Variants in KCNAB1 observed in about 807,000 individuals in gnomAD.
KCNAB1 encodes voltage-gated potassium channel subunit beta-1.
Under a neutral mutation model 64.6 loss-of-function variants are expected in KCNAB1, and 35 were observed. The observed-to-expected ratio is 0.54, with a 90% CI of 0.41 to 0.72. The LOEUF (loss-of-function observed/expected upper bound fraction) is 0.72. Among genes scored for constraint, KCNAB1 ranks in the 30% least tolerant of loss-of-function variants. The pLI is 0.00. For missense variants in KCNAB1, 401 were observed against 512.9 expected (o/e 0.78, Z 2.11); for synonymous variants, 177 against 183.8 (o/e 0.96, Z 0.30).
chr3:156,130,189 C>A (rs1713908841), intron 1 of KCNAB1, among the ~76,000 whole-genome samples: 1 of 152,180 alleles, frequency 6.6e-6, no homozygotes, highest in East Asian at 1.9e-4. Context: ...ATGTTATAAA[C>A]CACTATCTAT....
chr3:156,322,935 A>AT (rs1220350243), intron 1 of KCNAB1, among the ~76,000 whole-genome samples: 1 of 152,148 alleles, frequency 6.6e-6, no homozygotes, highest in East Asian at 1.9e-4. Flanking sequence ...AGCTGCTTGG[A>AT]TTTTGAGTGA....
chr3:156,238,061 T>C (rs1460963205), intron 1 of KCNAB1, among the ~76,000 whole-genome samples: 1 of 152,020 alleles, frequency 6.6e-6, no homozygotes, highest in African/African-American at 2.4e-5. Flanking sequence ...AGGGTGGAAG[T>C]CAGAGCCACA....
chr3:156,125,111 C>A (rs1002021365), intron 1 of KCNAB1, among the ~76,000 whole-genome samples: 19 of 151,426 alleles, frequency 1.3e-4, no homozygotes, highest in African/African-American at 4.6e-4. Flanking sequence ...GCACTCCAGC[C>A]TGGGTGACAG....
intron 2 of KCNAB1, among the ~76,000 whole-genome samples, chr3:156,435,125 TAG>T (rs763684929): frequency 5.3e-5 from 8 of 152,136 alleles, no homozygotes; most frequent in Non-Finnish European, 1.2e-4. Flanking sequence ...TTCCATACCA[TAG>T]AGAGTCATCA....
intron 11 of KCNAB1, among the ~76,000 whole-genome samples, chr3:156,519,354 T>A (rs61192223): frequency 0.058 from 8,869 of 152,190 alleles, 714 homozygotes; most frequent in African/African-American, 0.18. Flanking sequence ...TTCATTTGTG[T>A]CTCCCATATC....
chr3:156,425,215 A>G (rs1576848168), intron 2 of KCNAB1, among the ~76,000 whole-genome samples: 1 of 152,236 alleles, frequency 6.6e-6, no homozygotes, highest in East Asian at 1.9e-4. Flanking sequence ...AGGAAATCAG[A>G]AAGCTACAGA....
At chr3:156,465,172 A>G (rs369567944) in intron 6 of KCNAB1, among the ~76,000 whole-genome samples, 1 of 152,194 alleles carries the variant, frequency 6.6e-6, no homozygotes, top group Non-Finnish European at 1.5e-5. Context: ...GCTTCATCAC[A>G]TTTTAATTTA....
chr3:156,272,210 T>G (rs1409380327), intron 1 of KCNAB1, among the ~76,000 whole-genome samples: 1 of 152,252 alleles, frequency 6.6e-6, no homozygotes, highest in Non-Finnish European at 1.5e-5. Context: ...TAACTGGCTA[T>G]TGCCTATGTT....
At chr3:156,234,134 C>T (rs1716711850) in intron 1 of KCNAB1, among the ~76,000 whole-genome samples, 1 of 151,774 alleles carries the variant, frequency 6.6e-6, no homozygotes, top group Non-Finnish European at 1.5e-5. Flanking sequence ...CCAAGAATTC[C>T]CCAGGGGCTG....
chr3:156,341,198 T>G (rs1724087124), intron 1 of KCNAB1, among the ~76,000 whole-genome samples: 1 of 152,222 alleles, frequency 6.6e-6, no homozygotes, highest in South Asian at 2.1e-4. Flanking sequence ...AGATATTAGA[T>G]TCTCTTAGAG....
intron 1 of KCNAB1, among the ~76,000 whole-genome samples, chr3:156,304,876 A>G (rs892652582): frequency 2.6e-5 from 4 of 152,210 alleles, no homozygotes; most frequent in African/African-American, 9.6e-5. Flanking sequence ...GAAGTAAGAG[A>G]TACTTTGAAG....
At chr3:156,447,318 T>A (rs1711637453) in intron 2 of KCNAB1, among the ~76,000 whole-genome samples, 1 of 152,228 alleles carries the variant, frequency 6.6e-6, no homozygotes, top group African/African-American at 2.4e-5. Flanking sequence ...TATATTTAAC[T>A]TATTTTTGTT....
chr3:156,267,951 G>T (rs62286213), intron 1 of KCNAB1, among the ~76,000 whole-genome samples: 4,352 of 151,502 alleles, frequency 0.029, 231 homozygotes, highest in South Asian at 0.22. Flanking sequence ...ATAGTCACCT[G>T]CTTTTGCTAT....
At chr3:156,279,402 T>A (rs1345078868) in intron 1 of KCNAB1, among the ~76,000 whole-genome samples, 4 of 152,294 alleles carry the variant, frequency 2.6e-5, no homozygotes, top group Non-Finnish European at 5.9e-5. Context: ...GTCTTTGCTA[T>A]TGTGAATAAT....
intron 1 of KCNAB1, among the ~76,000 whole-genome samples, chr3:156,207,896 A>C (rs1714763918): frequency 6.6e-6 from 1 of 152,228 alleles, no homozygotes; most frequent in Non-Finnish European, 1.5e-5. Context: ...AATGAGGTTA[A>C]AACTGGTACT....
At chr3:156,132,332 A>C (rs1714043893) in intron 1 of KCNAB1, among the ~76,000 whole-genome samples, 1 of 152,194 alleles carries the variant, frequency 6.6e-6, no homozygotes, top group Admixed American at 6.5e-5. Flanking sequence ...AGACCTGTAG[A>C]TGGTCATCTG....
chr3:156,147,058 C>A (rs1036118614), intron 1 of KCNAB1, among the ~76,000 whole-genome samples: 3 of 152,008 alleles, frequency 2.0e-5, no homozygotes, highest in Non-Finnish European at 4.4e-5. Flanking sequence ...AAAACAGTGC[C>A]AAGAAAGACC....
At position 156,151,766 on chromosome 3, in the gene KCNAB1, T is replaced by C. The variant is rs184136392; in HGVS notation, c.275+30880T>C. ...ATTAACAACTTTGGTAAAATTTACA[T>C]AAATATGATATTTTAATCTACCATT... On this transcript the variant is annotated intron_variant, in intron 1 of 13. Coordinates refer to ENST00000490337, the MANE Select transcript of KCNAB1 (RefSeq NM_172160.3). Among the ~76,000 whole-genome samples the C allele has an allele frequency of 6.4e-4, 98 of 152,326 alleles. No individual in the cohort carries two copies. In the East Asian group the frequency reaches 0.018, roughly 28 times the overall value.
At chr3:156,179,409 G>T (rs1275027374) in intron 1 of KCNAB1, among the ~76,000 whole-genome samples, 5 of 147,214 alleles carry the variant, frequency 3.4e-5, no homozygotes, top group East Asian at 2.1e-4. Flanking sequence ...TTATTCCCTG[G>T]TTTGGAACCC....
Sources: allele counts gnomAD v4.1 joint callset (sites outside exome capture counted in the v4.1 genomes callset), GRCh38; gene constraint gnomAD v4.1.1; transcripts MANE v1.5; gene names NCBI Gene and HGNC (gene_info 2026-07-23, HGNC 2026-07-21).